PEX14: variants seen among roughly 807,000 people sequenced by gnomAD.
The protein encoded by PEX14 is peroxisomal biogenesis factor 14.
PEX14 carries 15 observed loss-of-function variants against 49.5 expected under a neutral mutation model. The observed-to-expected ratio is 0.30, with a 90% CI of 0.20 to 0.47. The LOEUF (loss-of-function observed/expected upper bound fraction) is 0.47. Ranked by LOEUF, PEX14 falls within the 20% of genes least tolerant of loss-of-function variation. The pLI, the probability that PEX14 is intolerant of heterozygous loss-of-function variation, is 1.00. For missense variants in PEX14, 398 were observed against 494.8 expected, an observed-to-expected ratio of 0.80 and a Z score of 1.86; for synonymous variants, 210 against 212.7, an observed-to-expected ratio of 0.99 and a Z score of 0.11.
At chr1:10,479,836 A>G (rs61393665) in intron 1 of PEX14, among the ~76,000 whole-genome samples, 2,197 of 152,222 alleles carry the variant, frequency 0.014, 50 homozygotes, top group African/African-American at 0.05. Context: ...GAGAGCAATA[A>G]TAGTTACCCT....
chr1:10,583,620 T>C (rs139036659), intron 3 of PEX14, among the ~76,000 whole-genome samples: 2 of 150,068 alleles, frequency 1.3e-5, no homozygotes, highest in East Asian at 2.0e-4. Context: ...CCAAATGCAA[T>C]GGTAGAGTGG....
At chr1:10,499,696 C>G (rs1163227529) in intron 2 of PEX14, among the ~76,000 whole-genome samples, 1 of 152,120 alleles carries the variant, frequency 6.6e-6, no homozygotes, top group Non-Finnish European at 1.5e-5. Context: ...ATCTGCCCAC[C>G]TTGGCCTCCC....
At chr1:10,524,744 A>G (rs1276896211) in intron 2 of PEX14, among the ~76,000 whole-genome samples, 1 of 152,212 alleles carries the variant, frequency 6.6e-6, no homozygotes, top group Non-Finnish European at 1.5e-5. Flanking sequence ...CCCAGGCTAG[A>G]GTGAAGCAGT....
intron 3 of PEX14, among the ~76,000 whole-genome samples, chr1:10,538,422 A>G (rs1638903983): frequency 6.6e-6 from 1 of 152,230 alleles, no homozygotes; most frequent in African/African-American, 2.4e-5. Flanking sequence ...AAAGAGAACC[A>G]TGTGAGTTTA....
At chr1:10,482,716 G>A (rs1190227381) in intron 1 of PEX14, among the ~76,000 whole-genome samples, 1 of 152,044 alleles carries the variant, frequency 6.6e-6, no homozygotes, top group Admixed American at 6.5e-5. Context: ...ACAAGCATGA[G>A]CCACCGTGCC....
chr1:10,512,074 C>T lies in PEX14; in HGVS notation c.84+16753C>T, dbSNP rs552058724. 6.6e-6 allele frequency among the ~76,000 whole-genome samples: 1 copy of T among 152,278 alleles called. No individual in the cohort carries two copies. Among genetic ancestry groups the T allele is most frequent in the East Asian group, 1.9e-4 (1 of 5,182 alleles). ...TCCCGGGTTTACGCCATTCTCCTGCCTCAGCTTCCCGAATAACTGGGACTA... is the reference window on the plus strand; with the variant it reads ...TCCCGGGTTTACGCCATTCTCCTGCTTCAGCTTCCCGAATAACTGGGACTA... On this transcript the variant is annotated intron_variant, in intron 2 of 8. Transcript: ENST00000356607. This position sits in a 1 kb window ranked among gnomAD's most constrained non-coding sequence, Gnocchi z 4.6.
Position 10,512,428 on chromosome 1 carries a change from G to A in PEX14, c.84+17107G>A, listed in dbSNP as rs1307226761. Among the ~76,000 whole-genome samples the A allele has an allele frequency of 6.6e-6, 1 of 152,192 alleles. No individual in the cohort carries two copies. The highest frequency in any genetic ancestry group is 1.5e-5 in the Non-Finnish European group (1 of 68,030). ...AGAGACTTCTGTGGATTCATCCAAA[G>A]GATGGCAGACAGATTGTGGAATTTT... On this transcript the variant is annotated intron_variant, in intron 2 of 8. Transcript: ENST00000356607. The surrounding 1 kb of genome is among the most constrained non-coding windows in gnomAD (Gnocchi z 4.6).
intron 2 of PEX14, among the ~76,000 whole-genome samples, chr1:10,519,680 T>G (rs1215581993): frequency 6.6e-6 from 1 of 152,248 alleles, no homozygotes; most frequent in South Asian, 2.1e-4. Flanking sequence ...CACTGCCCTA[T>G]GTGGCTTTCT....
chr1:10,524,680 G>T (rs1187216299), intron 2 of PEX14, among the ~76,000 whole-genome samples: 1 of 34,042 alleles, frequency 2.9e-5, no homozygotes, highest in African/African-American at 4.5e-5. Context: ...GGAATCATTT[G>T]ATTGATTGAT....
chr1:10,503,320 GAAAAGAA>G (rs1158876974), intron 2 of PEX14, among the ~76,000 whole-genome samples: 110 of 129,414 alleles, frequency 8.5e-4, no homozygotes, highest in Middle Eastern at 4.0e-3. Flanking sequence ...AGAAAGAAAA[GAAAAGAA>G]AAAAGAAAAA....
intron 3 of PEX14, among the ~76,000 whole-genome samples, chr1:10,586,897 C>T (rs1640510194): frequency 6.6e-6 from 1 of 151,910 alleles, no homozygotes; most frequent in Admixed American, 6.6e-5. Flanking sequence ...GCCTCGGCCT[C>T]CCAAAGTGCT....
rs1312232969 is a variant in PEX14, at chr1:10,597,928, C to T, written c.170-1310C>T. On this transcript the variant is annotated intron_variant, in intron 3 of 8. Coordinates refer to ENST00000356607, the MANE Select transcript of PEX14 (RefSeq NM_004565.3). The surrounding 1 kb of genome is among the most constrained non-coding windows in gnomAD (Gnocchi z 5.7). Reference sequence around the variant, plus strand: ...ACTCATATGCCAGTATGGTGCAGGGCGGAGCTGTGCTTTAAAGCATTAATG... The same window carrying T: ...ACTCATATGCCAGTATGGTGCAGGGTGGAGCTGTGCTTTAAAGCATTAATG... Among the ~76,000 whole-genome samples, 6 of 152,180 alleles carry T rather than the reference C, an allele frequency of 3.9e-5. No individual in the cohort carries two copies. Among genetic ancestry groups the T allele is most frequent in the Non-Finnish European group, 4.4e-5 (3 of 68,030 alleles).
chr1:10,551,192 T>C (rs1639324028), intron 3 of PEX14, among the ~76,000 whole-genome samples: 1 of 152,208 alleles, frequency 6.6e-6, no homozygotes, highest in African/African-American at 2.4e-5. Flanking sequence ...TATCATTTTT[T>C]ATAGTAAATT....
At chr1:10,617,834 AC>A in intron 4 of PEX14, among the ~76,000 whole-genome samples, 1 of 150,564 alleles carries the variant, frequency 6.6e-6, no homozygotes. Flanking sequence ...ACCACAGCCC[AC>A]CCCCGTGCCC....
chr1:10,537,339 G>GCCCCCCCCCCCC (rs1463981995), intron 3 of PEX14, among the ~76,000 whole-genome samples: 4 of 12,320 alleles, frequency 3.2e-4, no homozygotes, highest in Non-Finnish European at 7.1e-4. Flanking sequence ...CATTGTGCCA[G>GCCCCCCCCCCCC]CACCCCCCCC....
intron 2 of PEX14, among the ~76,000 whole-genome samples, chr1:10,508,581 C>G (rs78820912): frequency 0.013 from 2,027 of 152,244 alleles, 33 homozygotes; most frequent in African/African-American, 0.042. Flanking sequence ...CCCTCCCCCC[C>G]AGAAGTGCAC....
intron 4 of PEX14, among the ~76,000 whole-genome samples, chr1:10,614,137 T>C (rs1641346762): frequency 6.6e-6 from 1 of 152,224 alleles, no homozygotes; most frequent in African/African-American, 2.4e-5. Context: ...ACTGTGCTAA[T>C]GTTTTTGCAG....
At chr1:10,527,211 CAA>C (rs35749900) in intron 2 of PEX14, among the ~76,000 whole-genome samples, 9 of 117,632 alleles carry the variant, frequency 7.7e-5, no homozygotes, top group Admixed American at 1.8e-4. Flanking sequence ...GACTCTGTCT[CAA>C]AAAAAAAAAA....
chr1:10,486,869 A>G (rs928355658), intron 1 of PEX14, among the ~76,000 whole-genome samples: 2 of 151,646 alleles, frequency 1.3e-5, no homozygotes, highest in African/African-American at 4.8e-5. Context: ...TTGTGTTTTT[A>G]GTAGAGATGG....
Sources: allele counts gnomAD v4.1 joint callset (sites outside exome capture counted in the v4.1 genomes callset), GRCh38; gene constraint gnomAD v4.1.1; non-coding constraint Gnocchi (gnomAD v3.1); transcripts MANE v1.5; gene names NCBI Gene and HGNC (gene_info 2026-07-23, HGNC 2026-07-21).